The following EML5 variants were observed in gnomAD, a reference collection of about 807,000 sequenced individuals.
EML5 encodes EMAP like 5.
In EML5, 120 loss-of-function variants were observed where a neutral mutation model predicts 250.0. That is an observed-to-expected ratio of 0.48 (90% confidence interval 0.41 to 0.56). The LOEUF (loss-of-function observed/expected upper bound fraction) is 0.56, where lower values mean the gene tolerates loss of function less well. Among genes scored for constraint, EML5 ranks in the 20% least tolerant of loss-of-function variants. The pLI is 0.00. For missense variants in EML5, 2,006 were observed against 2,437.6 expected (o/e 0.82, Z 3.73); for synonymous variants, 771 against 806.5 (o/e 0.96, Z 0.75).
intron 2 of EML5, among the ~76,000 whole-genome samples, chr14:88,751,135 A>G: frequency 6.6e-6 from 1 of 152,188 alleles, no homozygotes; most frequent in Non-Finnish European, 1.5e-5. Context: ...TCATGACCCA[A>G]ACCAACATCC....
chr14:88,657,331 A>G, intron 27 of EML5, 45 bp downstream of exon 27: 1 of 1,510,854 alleles, frequency 6.6e-7, no homozygotes, highest in Non-Finnish European at 8.9e-7. Flanking sequence ...TCCATTTTTA[A>G]TGACAATATC....
intron 5 of EML5, among the ~76,000 whole-genome samples, chr14:88,739,758 T>C (rs114150199): frequency 7.8e-4 from 119 of 151,922 alleles, no homozygotes; most frequent in African/African-American, 2.7e-3. Flanking sequence ...AACCCTAATA[T>C]TCAAATGAAT....
intron 8 of EML5, among the ~76,000 whole-genome samples, chr14:88,723,782 G>A (rs1370380923): frequency 6.6e-6 from 1 of 152,046 alleles, no homozygotes; most frequent in Non-Finnish European, 1.5e-5. Context: ...TTTTTAAAAA[G>A]GCAGACTGGT....
chr14:88,622,292 G>T, intron 37 of EML5: 1 of 232,630 alleles, frequency 4.3e-6, no homozygotes, highest in Non-Finnish European at 8.4e-6. Flanking sequence ...TTTAAAAAAT[G>T]GAGACAGCTG....
At chr14:88,680,535 A>G (rs761776240) in intron 21 of EML5, among the ~76,000 whole-genome samples, 6 of 152,104 alleles carry the variant, frequency 3.9e-5, no homozygotes, top group African/African-American at 7.2e-5. Flanking sequence ...TCTCGATGGT[A>G]GCACCCCAGA....
At chr14:88,707,399 A>AT (rs2093337023) in intron 10 of EML5, among the ~76,000 whole-genome samples, 1 of 151,906 alleles carries the variant, frequency 6.6e-6, no homozygotes, top group Non-Finnish European at 1.5e-5. Context: ...AAGTGTCAGG[A>AT]TTACAGGCAT....
At chr14:88,653,289 CTT>C (rs1468572434) in intron 27 of EML5, among the ~76,000 whole-genome samples, 1 of 152,140 alleles carries the variant, frequency 6.6e-6, no homozygotes, top group Non-Finnish European at 1.5e-5. Context: ...CCATTTATTT[CTT>C]TCTCTTGCCT....
At chr14:88,631,902 C>T (rs2140479372) in intron 33 of EML5, among the ~76,000 whole-genome samples, 1 of 152,274 alleles carries the variant, frequency 6.6e-6, no homozygotes, top group African/African-American at 2.4e-5. Context: ...AAATCTTTAT[C>T]CTTGTTCCAA....
chr14:88,697,690 A>G (rs1424561051), intron 14 of EML5, among the ~76,000 whole-genome samples: 3 of 152,138 alleles, frequency 2.0e-5, no homozygotes, highest in Non-Finnish European at 4.4e-5. Flanking sequence ...CTCCTGAAAT[A>G]ATTAATAGAG....
At chr14:88,683,628 A>G (rs1338571025) in intron 20 of EML5, among the ~76,000 whole-genome samples, 1 of 152,250 alleles carries the variant, frequency 6.6e-6, no homozygotes, top group African/African-American at 2.4e-5. Flanking sequence ...AACATTACAT[A>G]TCACAACCAA....
At chr14:88,759,099 T>C (rs944697886) in intron 1 of EML5, among the ~76,000 whole-genome samples, 2 of 152,148 alleles carry the variant, frequency 1.3e-5, no homozygotes, top group Non-Finnish European at 2.9e-5. Flanking sequence ...ACTTTGACTA[T>C]ACTAAAAATC....
intron 35 of EML5, chr14:88,626,595 C>T (rs1296969481): frequency 1.3e-5 from 6 of 470,696 alleles, no homozygotes; most frequent in East Asian, 3.9e-5. Context: ...CCAGCCCAGG[C>T]GACAGAGTGA....
At chr14:88,737,072 ACCTGCC>A (rs1595724639) in intron 6 of EML5, among the ~76,000 whole-genome samples, 1 of 151,990 alleles carries the variant, frequency 6.6e-6, no homozygotes, top group Non-Finnish European at 1.5e-5. Context: ...TGCCTTGCTC[ACCTGCC>A]AGCTGCCAGT....
At chr14:88,671,558 C>A (rs2092463263) in intron 21 of EML5, among the ~76,000 whole-genome samples, 1 of 152,090 alleles carries the variant, frequency 6.6e-6, no homozygotes, top group African/African-American at 2.4e-5. Flanking sequence ...ACAATATTAA[C>A]CTTAAATGTA....
At chr14:88,735,995 T>A (rs527696866) in intron 7 of EML5, among the ~76,000 whole-genome samples, 45 of 133,446 alleles carry the variant, frequency 3.4e-4, no homozygotes, top group African/African-American at 1.3e-3. Context: ...TCGGAGTATT[T>A]TTTCTTTCTT....
chr14:88,763,179 AGAG>A (rs1333618052), intron 1 of EML5, among the ~76,000 whole-genome samples: 1 of 152,172 alleles, frequency 6.6e-6, no homozygotes, highest in Admixed American at 6.5e-5. Flanking sequence ...TGAAGGAGAC[AGAG>A]AAGAAAACCC....
intron 27 of EML5, among the ~76,000 whole-genome samples, chr14:88,650,279 C>CCCGT (rs1220782298): frequency 1.3e-5 from 2 of 151,926 alleles, no homozygotes; most frequent in African/African-American, 4.8e-5. Context: ...ATGGTGAAAC[C>CCCGT]CCGTCTCTAC....
intron 34 of EML5, 130 bp from the exon 35 acceptor site, chr14:88,627,176 C>T: frequency 1.3e-6 from 1 of 797,816 alleles, no homozygotes; most frequent in Non-Finnish European, 2.0e-6. Flanking sequence ...CCCTGCTCTA[C>T]TACCTAGCAA....
intron 27 of EML5, 109 bp downstream of exon 27, chr14:88,657,267 G>C (rs1279743537): frequency 1.9e-5 from 21 of 1,099,584 alleles, no homozygotes; most frequent in Non-Finnish European, 2.0e-5. Context: ...ATTGTCTATA[G>C]CAAGAATATC....
Sources: gnomAD v4.1 joint callset for allele counts (sites outside exome capture counted in the v4.1 genomes callset) on GRCh38, gnomAD v4.1.1 for gene constraint, MANE v1.5 for transcripts, NCBI Gene and HGNC (gene_info 2026-07-23, HGNC 2026-07-21) for gene names.